Variants in HS3ST2 observed in about 807,000 individuals in gnomAD.
The protein encoded by HS3ST2 is heparan sulfate-glucosamine 3-sulfotransferase 2, also known as heparan sulfate glucosamine 3-O-sulfotransferase 2.
In HS3ST2, 17 loss-of-function variants were observed where a neutral mutation model predicts 26.3. The observed-to-expected ratio is 0.65, with a 90% CI of 0.44 to 0.97. HS3ST2 has a LOEUF of 0.97. HS3ST2 is among the 50% of genes least tolerant of loss of function. The pLI is 0.00. For synonymous variants in HS3ST2, 237 were observed against 219.2 expected, an observed-to-expected ratio of 1.08 and a Z score of -0.72; for missense variants, 402 against 501.2, an observed-to-expected ratio of 0.80 and a Z score of 1.89.
chr16:22,819,935 C>T (rs538619787), intron 1 of HS3ST2, among the ~76,000 whole-genome samples: 14 of 152,342 alleles, frequency 9.2e-5, no homozygotes, highest in African/African-American at 2.6e-4. Flanking sequence ...CCTGCCATGA[C>T]GTAGTTAATG....
At chr16:22,902,520 C>T (rs1902293098) in intron 1 of HS3ST2, among the ~76,000 whole-genome samples, 1 of 152,224 alleles carries the variant, frequency 6.6e-6, no homozygotes, top group African/African-American at 2.4e-5. Context: ...GCAATGAACA[C>T]CTGGCACATG....
At chr16:22,818,808 T>C (rs866660076) in intron 1 of HS3ST2, among the ~76,000 whole-genome samples, 1 of 11,828 alleles carries the variant, frequency 8.5e-5, no homozygotes. Flanking sequence ...CTCCCTTCCT[T>C]CCTTCCTTCC....
intron 1 of HS3ST2, among the ~76,000 whole-genome samples, chr16:22,843,098 A>G (rs188714299): frequency 1.3e-5 from 2 of 151,090 alleles, no homozygotes. Context: ...TTTTTCTTCT[A>G]CTCTCACACT....
intron 1 of HS3ST2, among the ~76,000 whole-genome samples, chr16:22,885,888 A>G (rs1902052589): frequency 6.6e-6 from 1 of 152,156 alleles, no homozygotes; most frequent in Admixed American, 6.5e-5. Context: ...GGAGTCAGAG[A>G]TAGGGACAGA....
chr16:22,888,624 A>C (rs1266179142), intron 1 of HS3ST2, among the ~76,000 whole-genome samples: 1 of 151,810 alleles, frequency 6.6e-6, no homozygotes, highest in Admixed American at 6.6e-5. Context: ...TGACCTTGTG[A>C]TCCGCCCGCC....
intron 1 of HS3ST2, among the ~76,000 whole-genome samples, chr16:22,870,524 C>T (rs1901821836): frequency 6.6e-6 from 1 of 152,124 alleles, no homozygotes; most frequent in Non-Finnish European, 1.5e-5. Context: ...CCTTATACAG[C>T]CTCCAAGGTC....
At chr16:22,844,488 C>T (rs1901403144) in intron 1 of HS3ST2, among the ~76,000 whole-genome samples, 1 of 152,108 alleles carries the variant, frequency 6.6e-6, no homozygotes. Flanking sequence ...CTGAGGGTGG[C>T]ACCTTCAGTC....
chr16:22,874,710 T>C (rs1331198607), intron 1 of HS3ST2, among the ~76,000 whole-genome samples: 1 of 152,208 alleles, frequency 6.6e-6, no homozygotes, highest in Non-Finnish European at 1.5e-5. Flanking sequence ...GGACCTGGCA[T>C]ACCTCCAGGC....
intron 1 of HS3ST2, among the ~76,000 whole-genome samples, chr16:22,884,444 G>A (rs958121387): frequency 2.0e-5 from 3 of 151,992 alleles, no homozygotes; most frequent in South Asian, 2.1e-4. Context: ...AATAGTTTAC[G>A]GAGAGGATGC....
intron 1 of HS3ST2, among the ~76,000 whole-genome samples, chr16:22,891,904 G>T (rs191004274): frequency 5.3e-5 from 8 of 152,202 alleles, no homozygotes; most frequent in African/African-American, 1.9e-4. Context: ...AAGTGCACAG[G>T]GAGTAAAGCA....
intron 1 of HS3ST2, among the ~76,000 whole-genome samples, chr16:22,890,716 G>A (rs532667717): frequency 1.3e-5 from 2 of 152,280 alleles, no homozygotes; most frequent in Admixed American, 6.5e-5. Flanking sequence ...TAGCTTACCC[G>A]TGATTACTCA....
chr16:22,877,184 A>C (rs1596623010), intron 1 of HS3ST2, among the ~76,000 whole-genome samples: 2 of 152,206 alleles, frequency 1.3e-5, no homozygotes, highest in South Asian at 2.1e-4. Flanking sequence ...GATATGACTT[A>C]AGTTCTGAAG....
At chr16:22,838,523 T>A (rs1345552957) in intron 1 of HS3ST2, among the ~76,000 whole-genome samples, 1 of 151,890 alleles carries the variant, frequency 6.6e-6, no homozygotes, top group Non-Finnish European at 1.5e-5. Flanking sequence ...TCAATCCAGG[T>A]GTATGGTAGC....
intron 1 of HS3ST2, among the ~76,000 whole-genome samples, chr16:22,852,137 G>A (rs1901527075): frequency 6.6e-6 from 1 of 152,122 alleles, no homozygotes; most frequent in African/African-American, 2.4e-5. Context: ...GGATGTTATG[G>A]GCATCTAGTG....
At chr16:22,841,039 C>T (rs1216706263) in intron 1 of HS3ST2, among the ~76,000 whole-genome samples, 3 of 146,504 alleles carry the variant, frequency 2.0e-5, no homozygotes, top group Admixed American at 7.0e-5. Flanking sequence ...TGTTCAATTC[C>T]CACCTATGAG....
chr16:22,871,515 A>C (rs903842439), intron 1 of HS3ST2, among the ~76,000 whole-genome samples: 3 of 152,164 alleles, frequency 2.0e-5, no homozygotes, highest in Non-Finnish European at 4.4e-5. Context: ...AGATATTTTC[A>C]ACTTGTGGTG....
Position 22,874,667 on chromosome 16 carries a change from G to C in HS3ST2, c.486-40277G>C, listed in dbSNP as rs981643600. 3.9e-5 allele frequency among the ~76,000 whole-genome samples: 6 copies of C among 152,316 alleles called. No individual in the cohort carries two copies. In the East Asian group the frequency reaches 5.8e-4, roughly 15 times the overall value. On this transcript the variant is annotated intron_variant, in intron 1 of 1. Coordinates refer to ENST00000261374, the MANE Select transcript of HS3ST2 (RefSeq NM_006043.2). ...TGAGAGCTGGCAGAGGCACCTGCTG[G>C]GGCTGGAACCTGTTACAGTCAAGAC... is the stretch of plus-strand genomic sequence containing the variant.
intron 1 of HS3ST2, among the ~76,000 whole-genome samples, chr16:22,851,852 G>A (rs1486451390): frequency 6.6e-6 from 1 of 152,158 alleles, no homozygotes; most frequent in African/African-American, 2.4e-5. Flanking sequence ...TGTGCCCTAG[G>A]GATGTTAGCT....
rs189649258 is a variant in HS3ST2 at position 22,851,486 on chromosome 16, T to A, written c.485+36391T>A. Among the ~76,000 whole-genome samples the A allele has an allele frequency of 1.8e-4, 27 of 152,332 alleles. No individual in the cohort carries two copies. The East Asian group carries it at 4.1e-3, about 23-fold the overall frequency. On this transcript the variant is annotated intron_variant, in intron 1 of 1. Transcript: ENST00000261374. ...CTTCTGATTCTAAGTTGATGCTATTTTTTTTCTCCATTGCAGCCCAGCTGT... is the reference window on the plus strand; with the variant it reads ...CTTCTGATTCTAAGTTGATGCTATTATTTTTCTCCATTGCAGCCCAGCTGT...
Sources: gnomAD v4.1 joint callset for allele counts (sites outside exome capture counted in the v4.1 genomes callset) on GRCh38, gnomAD v4.1.1 for gene constraint, MANE v1.5 for transcripts, NCBI Gene and HGNC (gene_info 2026-07-23, HGNC 2026-07-21) for gene names.